Variants in SDK1 observed in about 807,000 individuals in gnomAD.
SDK1 encodes sidekick cell adhesion molecule 1.
In SDK1, 157 loss-of-function variants were observed where a neutral mutation model predicts 245.5. The observed-to-expected ratio is 0.64, with a 90% CI of 0.56 to 0.73. The LOEUF (loss-of-function observed/expected upper bound fraction) is 0.73. Ranked by LOEUF, SDK1 falls within the 30% of genes least tolerant of loss-of-function variation. The probability of loss-of-function intolerance (pLI) is 0.00; values close to 1 mark genes in which losing one functional copy is unlikely to be tolerated. For synonymous variants in SDK1, 1,647 were observed against 1,278.5 expected, an observed-to-expected ratio of 1.29 and a Z score of -6.15; for missense variants, 3,583 against 3,002.3, an observed-to-expected ratio of 1.19 and a Z score of -4.52.
intron 2 of SDK1, among the ~76,000 whole-genome samples, chr7:3,625,953 T>G (rs1400342012): frequency 6.7e-6 from 1 of 149,818 alleles, no homozygotes; most frequent in Non-Finnish European, 1.5e-5. Flanking sequence ...TTTTTTTTTT[T>G]TTTTTTGAGG....
At chr7:3,723,303 A>G (rs960486275) in intron 4 of SDK1, among the ~76,000 whole-genome samples, 50 of 152,350 alleles carry the variant, frequency 3.3e-4, no homozygotes, top group African/African-American at 1.2e-3. Context: ...TACCATAGAA[A>G]ACAGGCAGCA....
chr7:4,163,059 C>T (rs1042768679), intron 32 of SDK1, among the ~76,000 whole-genome samples: 11 of 152,194 alleles, frequency 7.2e-5, no homozygotes, highest in African/African-American at 2.4e-4. Context: ...GCAGCAGACA[C>T]AACAGATGGA....
chr7:4,074,538 G>C (rs1780497078), intron 20 of SDK1, among the ~76,000 whole-genome samples: 1 of 152,114 alleles, frequency 6.6e-6, no homozygotes, highest in African/African-American at 2.4e-5. Context: ...AGGGTGGGCA[G>C]ATGAGGGAAA....
chr7:3,975,361 C>G (rs546494371), intron 13 of SDK1, among the ~76,000 whole-genome samples: 17 of 152,276 alleles, frequency 1.1e-4, no homozygotes, highest in African/African-American at 4.1e-4. Context: ...CGCATCCGTC[C>G]CTGGTCATCG....
At chr7:3,510,123 TAGGTCTGACAGTGTGTTCCC>T (rs1782531746) in intron 1 of SDK1, among the ~76,000 whole-genome samples, 1 of 152,198 alleles carries the variant, frequency 6.6e-6, no homozygotes, top group East Asian at 1.9e-4. Flanking sequence ...TTATCAAAAG[TAGGTCTGACAGTGTGTTCCC>T]AGTGCCTGGA....
At chr7:3,925,541 G>A (rs1385921718) in intron 5 of SDK1, among the ~76,000 whole-genome samples, 2 of 152,152 alleles carry the variant, frequency 1.3e-5, no homozygotes, top group Non-Finnish European at 2.9e-5. Flanking sequence ...ACAGATGAAC[G>A]CATGCAGGAT....
chr7:4,093,774 C>T (rs186145596), intron 22 of SDK1, among the ~76,000 whole-genome samples: 361 of 152,312 alleles, frequency 2.4e-3, no homozygotes, highest in African/African-American at 8.4e-3. Flanking sequence ...TGCCGAGGGA[C>T]CGGATCCTGG....
chr7:3,570,979 A>G (rs1176970982), intron 1 of SDK1, among the ~76,000 whole-genome samples: 3 of 152,060 alleles, frequency 2.0e-5, no homozygotes, highest in African/African-American at 7.2e-5. Context: ...ATTTGCACTT[A>G]AAGTACACAC....
intron 20 of SDK1, 121 bp from the exon 21 acceptor site, chr7:4,076,877 G>C: frequency 1.2e-6 from 1 of 808,630 alleles, no homozygotes; most frequent in Non-Finnish European, 2.0e-6. Flanking sequence ...GCTCTAAGCT[G>C]CCTTCAGCAC....
intron 22 of SDK1, among the ~76,000 whole-genome samples, chr7:4,088,286 T>C (rs976432311): frequency 2.0e-5 from 3 of 152,252 alleles, no homozygotes; most frequent in Non-Finnish European, 2.9e-5. Context: ...TGTTTCTTCC[T>C]TTGAATTTTT....
chr7:3,361,491 C>G (rs1780950837), intron 1 of SDK1, among the ~76,000 whole-genome samples: 1 of 152,166 alleles, frequency 6.6e-6, no homozygotes, highest in African/African-American at 2.4e-5. Context: ...TTTCTTTCTA[C>G]TCTCTCACCT....
intron 5 of SDK1, among the ~76,000 whole-genome samples, chr7:3,913,459 A>T (rs1205230506): frequency 6.6e-6 from 1 of 152,008 alleles, no homozygotes; most frequent in South Asian, 2.1e-4. Context: ...ACGCCCAGCT[A>T]ATTTTTTGTA....
At chr7:3,731,478 T>A (rs1174780178) in intron 4 of SDK1, among the ~76,000 whole-genome samples, 1 of 152,224 alleles carries the variant, frequency 6.6e-6, no homozygotes, top group Non-Finnish European at 1.5e-5. Flanking sequence ...TCCGACGAGT[T>A]GCCAGATGAC....
chr7:3,438,664 CCT>C (rs1026153176), intron 1 of SDK1, among the ~76,000 whole-genome samples: 1 of 151,782 alleles, frequency 6.6e-6, no homozygotes, highest in Non-Finnish European at 1.5e-5. Flanking sequence ...TGGTGTGGGA[CCT>C]CTCATCTCTA....
intron 1 of SDK1, among the ~76,000 whole-genome samples, chr7:3,479,044 A>G (rs1463104398): frequency 6.6e-6 from 1 of 152,154 alleles, no homozygotes; most frequent in African/African-American, 2.4e-5. Flanking sequence ...TATTAAACTG[A>G]TTGTTTAGAA....
chr7:3,903,428 G>C (rs1221727236), intron 5 of SDK1, among the ~76,000 whole-genome samples: 1 of 152,090 alleles, frequency 6.6e-6, no homozygotes, highest in Admixed American at 6.5e-5. Flanking sequence ...TTACAGGCAC[G>C]AGCCACCGCG....
At chr7:4,083,700 C>CCTTTACTTCCTCTCTCCCTT (rs1354194131) in intron 22 of SDK1, among the ~76,000 whole-genome samples, 32 of 97,186 alleles carry the variant, frequency 3.3e-4, no homozygotes, top group South Asian at 8.4e-4. Context: ...TTCCCTCCCT[C>CCTTTACTTCCTCTCTCCCTT]CTTTACTTCC....
intron 1 of SDK1, among the ~76,000 whole-genome samples, chr7:3,502,997 ACTGG>A (rs1782267564): frequency 6.6e-6 from 1 of 152,198 alleles, no homozygotes; most frequent in Non-Finnish European, 1.5e-5. Context: ...AATTACTTAC[ACTGG>A]TGATGTTATT....
At chr7:3,817,911 C>T (rs547239649) in intron 4 of SDK1, among the ~76,000 whole-genome samples, 5 of 152,340 alleles carry the variant, frequency 3.3e-5, no homozygotes, top group South Asian at 4.1e-4. Flanking sequence ...TGCACAGATA[C>T]TTTGCTCATC....
Sources: allele counts gnomAD v4.1 joint callset (sites outside exome capture counted in the v4.1 genomes callset), GRCh38; gene constraint gnomAD v4.1.1; transcripts MANE v1.5; gene names NCBI Gene and HGNC (gene_info 2026-07-23, HGNC 2026-07-21).